The following PMFBP1 variants were observed in gnomAD, a reference collection of about 807,000 sequenced individuals.
PMFBP1 encodes the protein polyamine modulated factor 1 binding protein 1, also known as polyamine-modulated factor 1-binding protein 1.
PMFBP1 carries 131 observed loss-of-function variants against 137.8 expected under a neutral mutation model. The observed-to-expected ratio is 0.95, with a 90% CI of 0.82 to 1.10. The LOEUF (loss-of-function observed/expected upper bound fraction) is 1.10, where lower values mean the gene tolerates loss of function less well. Ranked by LOEUF, PMFBP1 falls within the 50% of genes least tolerant of loss-of-function variation. The pLI, the probability that PMFBP1 is intolerant of heterozygous loss-of-function variation, is 0.00. For synonymous variants in PMFBP1, 490 were observed against 450.4 expected (o/e 1.09, Z -1.11); for missense variants, 1,199 against 1,175.4 (o/e 1.02, Z -0.29).
chr16:72,204,971 G>A, the PMFBP1 span, among the ~76,000 whole-genome samples: 2 of 152,168 alleles, frequency 1.3e-5, no homozygotes, highest in Admixed American at 6.5e-5. Context: ...CTGCCATATT[G>A]GAGAGTGCGC....
the PMFBP1 span, among the ~76,000 whole-genome samples, chr16:72,223,255 G>C: frequency 6.6e-6 from 1 of 152,240 alleles, no homozygotes; most frequent in Non-Finnish European, 1.5e-5. Context: ...CTAGGAGACA[G>C]TTGTGGATCA....
chr16:72,128,928 C>A, intron 13 of PMFBP1, 134 bp from the exon 14 acceptor site: 1 of 1,504,274 alleles, frequency 6.6e-7, no homozygotes, highest in Non-Finnish European at 9.0e-7. Context: ...CGCTCCCCTC[C>A]TCGCTGGCCT....
At chr16:72,239,885 C>CAAAAAAAAAAAAA in the PMFBP1 span, among the ~76,000 whole-genome samples, 2 of 21,406 alleles carry the variant, frequency 9.3e-5, no homozygotes, top group African/African-American at 4.6e-4. Flanking sequence ...ACTCCATGTA[C>CAAAAAAAAAAAAA]AAAAAAAAAA....
At chr16:72,134,427 T>C (rs2042594741) in intron 9 of PMFBP1, among the ~76,000 whole-genome samples, 1 of 152,160 alleles carries the variant, frequency 6.6e-6, no homozygotes. Context: ...CAAGTGATCC[T>C]CCTACCTTGG....
chr16:72,232,512 T>C, the PMFBP1 span, among the ~76,000 whole-genome samples: 1 of 152,172 alleles, frequency 6.6e-6, no homozygotes, highest in Non-Finnish European at 1.5e-5. Flanking sequence ...ATTTATTTCT[T>C]ACCACTTAAA....
chr16:72,128,489 A>G (rs1171668018), intron 14 of PMFBP1, 168 bp downstream of exon 14: 20 of 1,542,774 alleles, frequency 1.3e-5, no homozygotes, highest in Admixed American at 7.8e-5. Flanking sequence ...TCTCTGGCTC[A>G]GCAACCAGGT....
At chr16:72,239,238 T>G in the PMFBP1 span, among the ~76,000 whole-genome samples, 1 of 152,184 alleles carries the variant, frequency 6.6e-6, no homozygotes, top group African/African-American at 2.4e-5. Flanking sequence ...TCTTCAATTT[T>G]TTCTTCCTCA....
chr16:72,189,984 G>A, the PMFBP1 span, among the ~76,000 whole-genome samples: 1 of 152,074 alleles, frequency 6.6e-6, no homozygotes, highest in African/African-American at 2.4e-5. Flanking sequence ...GGTCTTGGCA[G>A]GCAGTCAGTC....
chr16:72,129,062 TC>T lies in PMFBP1; in HGVS notation c.1950+3del, dbSNP rs1469537963. The T allele has an allele frequency of 6.2e-7, 1 of 1,613,292 alleles. No homozygotes were observed. The highest frequency in any genetic ancestry group is 1.3e-5 in the African/African-American group (1 of 74,832). On this transcript the variant is annotated splice_donor_region_variant and intron_variant, in intron 13 of 20. Transcript: ENST00000237353. ...CCCAGCTCTCCTGGGATTCTCCCAC[TC>T]ACCGTCTTGTCTTTCTTTTTAAATT...
At chr16:72,220,311 T>G in the PMFBP1 span, among the ~76,000 whole-genome samples, 1 of 152,328 alleles carries the variant, frequency 6.6e-6, no homozygotes, top group Admixed American at 6.5e-5. Context: ...TTTAGTAAAT[T>G]ATGACACATC....
At chr16:72,219,449 C>T in the PMFBP1 span, among the ~76,000 whole-genome samples, 1 of 152,140 alleles carries the variant, frequency 6.6e-6, no homozygotes, top group Admixed American at 6.5e-5. Flanking sequence ...GGTATATCCA[C>T]AGGACTTGCT....
the PMFBP1 span, among the ~76,000 whole-genome samples, chr16:72,249,569 G>A: frequency 3.3e-5 from 5 of 151,800 alleles, no homozygotes; most frequent in South Asian, 6.3e-4. Flanking sequence ...CACTTTACAC[G>A]TTCTTGGGAA....
intron 14 of PMFBP1, 98 bp from the exon 15 acceptor site, chr16:72,126,230 T>A (rs1425939136): frequency 7.4e-7 from 1 of 1,355,304 alleles, no homozygotes; most frequent in Non-Finnish European, 1.0e-6. Flanking sequence ...AGCTCTCTCC[T>A]GTCTGCAGCA....
chr16:72,233,638 C>T, the PMFBP1 span, among the ~76,000 whole-genome samples: 1 of 152,126 alleles, frequency 6.6e-6, no homozygotes, highest in African/African-American at 2.4e-5. Context: ...GGTACATGTA[C>T]ACAACGTGTA....
At chr16:72,162,836 A>G (rs1039955664) in intron 3 of PMFBP1, among the ~76,000 whole-genome samples, 1 of 152,234 alleles carries the variant, frequency 6.6e-6, no homozygotes, top group Admixed American at 6.5e-5. Context: ...CATGACAGCA[A>G]TGGTGAAAAT....
intron 19 of PMFBP1, among the ~76,000 whole-genome samples, chr16:72,120,470 T>C (rs527751979): frequency 5.3e-5 from 8 of 152,284 alleles, no homozygotes; most frequent in African/African-American, 1.9e-4. Context: ...TGATCATGTG[T>C]CCTCGGGTTC....
chr16:72,140,510 CCT>C lies in PMFBP1; in HGVS notation c.707_708del (p.Gln236ArgfsTer8), dbSNP rs766650803. On this transcript the variant is annotated frameshift_variant, in exon 6 of 21. Coordinates refer to ENST00000237353, the MANE Select transcript of PMFBP1 (RefSeq NM_031293.3). LOFTEE classifies it high-confidence loss of function. ...YTSPCMIQEH[Q>X]ETQKRLSEVW... is the part of the protein sequence containing the mutation. ...ACTTCAGACAGTCGTTTCTGAGTCT[CCT>C]GATGCTCTTGAATCATGCAAGGAGA... 1 of 1,613,154 alleles carries C rather than the reference CCT, an allele frequency of 6.2e-7. No homozygotes were observed. Among genetic ancestry groups the C allele is most frequent in the South Asian group, 1.1e-5 (1 of 91,056 alleles).
the PMFBP1 span, among the ~76,000 whole-genome samples, chr16:72,193,440 C>A: frequency 6.6e-6 from 1 of 151,732 alleles, no homozygotes; most frequent in Admixed American, 6.6e-5. Flanking sequence ...ATTGTGGAGG[C>A]AAAAACACCA....
the PMFBP1 span, among the ~76,000 whole-genome samples, chr16:72,222,785 G>C: frequency 7.9e-4 from 121 of 152,212 alleles, no homozygotes; most frequent in Non-Finnish European, 1.3e-3. Flanking sequence ...AAGATGAAAT[G>C]AGAAATCCAT....
Sources: allele counts gnomAD v4.1 joint callset (sites outside exome capture counted in the v4.1 genomes callset), GRCh38; gene constraint gnomAD v4.1.1; transcripts MANE v1.5; gene names NCBI Gene and HGNC (gene_info 2026-07-23, HGNC 2026-07-21).